PKHD1L1: variants seen among roughly 807,000 people sequenced by gnomAD.
PKHD1L1 encodes the protein PKHD1 like 1, also known as fibrocystin-L.
A neutral mutation model predicts 462.9 loss-of-function variants in PKHD1L1; 434 were observed. That is an observed-to-expected ratio of 0.94 (90% CI 0.87 to 1.02). The LOEUF (loss-of-function observed/expected upper bound fraction) is 1.02, where lower values mean the gene tolerates loss of function less well. PKHD1L1 is among the 50% of genes least tolerant of loss of function. The pLI is 0.00. For synonymous variants in PKHD1L1, 1,781 were observed against 1,750.0 expected, an observed-to-expected ratio of 1.02 and a Z score of -0.44; for missense variants, 5,202 against 5,096.1, an observed-to-expected ratio of 1.02 and a Z score of -0.63.
intron 40 of PKHD1L1, among the ~76,000 whole-genome samples, chr8:109,450,600 T>C (rs79079296): frequency 0.03 from 4,628 of 152,286 alleles, 215 homozygotes; most frequent in African/African-American, 0.11. Flanking sequence ...GTCTCTGACC[T>C]TGCCTTCAGC....
At chr8:109,479,034 A>G (rs1818138344) in intron 53 of PKHD1L1, among the ~76,000 whole-genome samples, 1 of 152,154 alleles carries the variant, frequency 6.6e-6, no homozygotes, top group Non-Finnish European at 1.5e-5. Flanking sequence ...GGAATGCATA[A>G]CATGATTATT....
chr8:109,370,334 G>T (rs1027352230), intron 2 of PKHD1L1, among the ~76,000 whole-genome samples: 4 of 151,878 alleles, frequency 2.6e-5, no homozygotes, highest in Admixed American at 2.6e-4. Context: ...GGCTGGTCTC[G>T]AATTCCTGAC....
At chr8:109,486,925 G>A in intron 59 of PKHD1L1, 104 bp downstream of exon 59, 3 of 1,203,104 alleles carry the variant, frequency 2.5e-6, no homozygotes, top group Non-Finnish European at 3.4e-6. Flanking sequence ...AGATTATGTG[G>A]GAAAATAAAG....
intron 68 of PKHD1L1, 25 bp downstream of exon 68, chr8:109,504,517 T>C (rs767173158): frequency 1.5e-5 from 20 of 1,370,556 alleles, no homozygotes; most frequent in East Asian, 2.8e-5. Context: ...AATTGTGGTT[T>C]TTCTATCTTT....
Position 109,518,389 on chromosome 8 carries a change from A to T in PKHD1L1, c.11912A>T (p.Asp3971Val). Residue 3971 changes from aspartate (D) to valine (V), a missense_variant, in exon 73 of 78, where the codon GAC (aspartate) becomes GTC (valine). Around this residue, in one of 3 missense-constraint regions of PKHD1L1, gnomAD observed 698 missense variants for 736.3 expected, o/e 0.95. Transcript: ENST00000378402. ...GCCTTGTTCCTAAAGATACCAAGTG[A>T]CAAAATCCGTATCAGCAAAATAAGA... The part of the protein sequence containing the change: ...NLALFLKIPS[D>V]KIRISKIRGK... 6.2e-7 allele frequency: 1 copy of T among 1,613,308 alleles called. No homozygotes were observed. Among genetic ancestry groups the T allele is most frequent in the Non-Finnish European group, 8.5e-7 (1 of 1,179,516 alleles).
At chr8:109,391,484 G>C (rs1378818977) in intron 9 of PKHD1L1, among the ~76,000 whole-genome samples, 1 of 152,140 alleles carries the variant, frequency 6.6e-6, no homozygotes, top group Admixed American at 6.5e-5. Context: ...TCCCCTGGCT[G>C]TCATAGTAAC....
intron 73 of PKHD1L1, among the ~76,000 whole-genome samples, chr8:109,520,643 T>C (rs772302886): frequency 1.3e-5 from 2 of 152,116 alleles, no homozygotes; most frequent in Non-Finnish European, 2.9e-5. Flanking sequence ...AGCAAAATGT[T>C]GAGAAGTGGC....
In PKHD1L1 at chr8:109,443,915, A is replaced by G; in HGVS notation, c.4791+13A>G. ...ATGGGCTAATAAGGTAAGAATATAA[A>G]TACCTCCTTTGTACTTCTATTATAT... On this transcript the variant is annotated intron_variant, in intron 37 of 77. Transcript: ENST00000378402. 1 of 1,564,210 alleles carries G rather than the reference A, an allele frequency of 6.4e-7. No homozygotes were observed.
At chr8:109,419,454 T>C (rs1289928574) in intron 22 of PKHD1L1, among the ~76,000 whole-genome samples, 194 bp downstream of exon 22, 1 of 152,218 alleles carries the variant, frequency 6.6e-6, no homozygotes, top group East Asian at 1.9e-4. Context: ...GATAAATGAA[T>C]CCTTAATGAA....
intron 43 of PKHD1L1, 81 bp downstream of exon 43, chr8:109,452,955 T>C (rs77947767): frequency 5.1e-6 from 6 of 1,170,716 alleles, no homozygotes; most frequent in East Asian, 6.2e-5. Flanking sequence ...TCCACAATTA[T>C]GAACAAACAT....
intron 11 of PKHD1L1, 144 bp downstream of exon 11, chr8:109,396,281 G>C: frequency 1.5e-6 from 1 of 658,218 alleles, no homozygotes; most frequent in Non-Finnish European, 2.5e-6. Flanking sequence ...TTTGGTTCTG[G>C]GATTTGATGC....
intron 60 of PKHD1L1, 147 bp downstream of exon 60, chr8:109,490,202 C>T (rs1374840390): frequency 7.4e-6 from 4 of 541,624 alleles, no homozygotes; most frequent in South Asian, 3.3e-5. Flanking sequence ...CTTTTTAGAC[C>T]TATATAAGCA....
intron 40 of PKHD1L1, among the ~76,000 whole-genome samples, chr8:109,450,042 C>T (rs1248597695): frequency 1.3e-5 from 2 of 152,158 alleles, no homozygotes; most frequent in African/African-American, 2.4e-5. Context: ...CTTATTCTTA[C>T]TTATTTATTT....
chr8:109,413,661 A>C, intron 21 of PKHD1L1, 116 bp downstream of exon 21: 2 of 677,000 alleles, frequency 3.0e-6, no homozygotes, highest in Non-Finnish European at 2.1e-6. Context: ...AGATGAGGGC[A>C]AATAATGCAC....
chr8:109,488,952 A>T (rs1818689607), intron 59 of PKHD1L1, among the ~76,000 whole-genome samples: 1 of 151,986 alleles, frequency 6.6e-6, no homozygotes, highest in Non-Finnish European at 1.5e-5. Context: ...TGTCTTTCTC[A>T]CTTCAAATTC....
intron 46 of PKHD1L1, 75 bp from the exon 47 acceptor site, chr8:109,459,520 A>G: frequency 8.2e-7 from 1 of 1,219,738 alleles, no homozygotes; most frequent in South Asian, 2.0e-5. Flanking sequence ...TAAAATGAAT[A>G]AAACAAATAT....
intron 59 of PKHD1L1, among the ~76,000 whole-genome samples, chr8:109,488,688 A>G (rs956613417): frequency 4.6e-5 from 7 of 151,956 alleles, no homozygotes; most frequent in African/African-American, 1.4e-4. Context: ...CAGCAGTCTC[A>G]CTATAGCCTC....
chr8:109,456,065 A>C (rs1488622814), intron 45 of PKHD1L1, among the ~76,000 whole-genome samples, 197 bp from the exon 46 acceptor site: 2 of 152,200 alleles, frequency 1.3e-5, no homozygotes, highest in African/African-American at 4.8e-5. Context: ...AGTCATATAC[A>C]TGTCATTACA....
Position 109,497,165 on chromosome 8 carries a change from C to T in PKHD1L1, c.10492C>T (p.His3498Tyr), listed in dbSNP as rs1819135021. ...GIYFQTTESV[H>Y]IYNVTLVDNG... ...TCTATTGCAGACCACAGAGAGTGTG[C>T]ACATTTATAATGTGACCCTGGTTGA... Residue 3498 changes from histidine to tyrosine, a missense_variant, in exon 65 of 78, where the codon CAC becomes TAC. By Grantham distance (83) the His-to-Tyr change is moderately conservative (BLOSUM62 2). Around this residue, in one of 3 missense-constraint regions of PKHD1L1, gnomAD observed 4,497 missense variants for 4,336.8 expected, o/e 1.04. Transcript: ENST00000378402. 1 of 1,613,760 alleles carries T rather than the reference C, an allele frequency of 6.2e-7. No individual in the cohort carries two copies. The highest frequency in any genetic ancestry group is 8.5e-7 in the Non-Finnish European group (1 of 1,179,778).
Sources: allele counts gnomAD v4.1 joint callset (sites outside exome capture counted in the v4.1 genomes callset), GRCh38; gene constraint gnomAD v4.1.1; regional missense constraint gnomAD v4.1.1; transcripts MANE v1.5; gene names NCBI Gene and HGNC (gene_info 2026-07-23, HGNC 2026-07-21).